HSPG2: variants seen among roughly 807,000 people sequenced by gnomAD.
HSPG2 encodes basement membrane-specific heparan sulfate proteoglycan core protein.
In HSPG2, 278 loss-of-function variants were observed where a neutral mutation model predicts 526.6. The observed-to-expected ratio is 0.53, with a 90% CI of 0.48 to 0.58. The LOEUF is 0.58. Among genes scored for constraint, HSPG2 ranks in the 20% least tolerant of loss-of-function variants. The pLI, the probability that HSPG2 is intolerant of heterozygous loss-of-function variation, is 0.00. For missense variants in HSPG2, 5,354 were observed against 6,099.5 expected (o/e 0.88, Z 4.07); for synonymous variants, 2,465 against 2,555.4 (o/e 0.96, Z 1.07).
At position 21,861,972 on chromosome 1, in the gene HSPG2, G is replaced by C. The variant is rs756500411; in HGVS notation, c.4868+16C>G. The C allele has an allele frequency of 6.2e-7, 1 of 1,614,226 alleles. No individual in the cohort carries two copies. The highest frequency in any genetic ancestry group is 1.1e-5 in the South Asian group (1 of 91,084). ...CAGTGGAAGTGTGTCCTTGGGCCTT[G>C]AGCTAGGGTACCCACATGTTCTCTG... On this transcript the variant is annotated intron_variant, in intron 38 of 96. Coordinates refer to ENST00000374695, the MANE Select transcript of HSPG2 (RefSeq NM_005529.7).
rs1639482986 is a variant in HSPG2 at position 21,858,063 on chromosome 1, CTCGCAG to C, written c.5294-684_5294-679del. Among the ~76,000 whole-genome samples the C allele has an allele frequency of 6.6e-6, 1 of 152,226 alleles. No homozygotes were observed. The highest frequency in any genetic ancestry group is 1.5e-5 in the Non-Finnish European group (1 of 68,040). On this transcript the variant is annotated intron_variant, in intron 42 of 96. Coordinates refer to ENST00000374695, the MANE Select transcript of HSPG2 (RefSeq NM_005529.7). The surrounding 1 kb of genome is among the most constrained non-coding windows in gnomAD (Gnocchi z 4.2). Reference sequence around the variant, plus strand: ...GAAAACTCCCCCTTGACCTCATGCTCTCGCAGTCAATGACCCACTTCCTGGCCTCCC... The same window carrying C: ...GAAAACTCCCCCTTGACCTCATGCTCTCAATGACCCACTTCCTGGCCTCCC...
intron 17 of HSPG2, among the ~76,000 whole-genome samples, 177 bp from the exon 18 acceptor site, chr1:21,879,298 G>A (rs1371723622): frequency 6.6e-6 from 1 of 152,004 alleles, no homozygotes; most frequent in Non-Finnish European, 1.5e-5. Context: ...CATCTTACAC[G>A]GCAGCCTGTC....
At position 21,873,545 on chromosome 1, in the gene HSPG2, C is replaced by T. The variant is rs1177038310; in HGVS notation, c.3744-121G>A. 11 of 1,019,796 alleles carry T rather than the reference C, an allele frequency of 1.1e-5. 1 individual carries two copies. In the Middle Eastern group the frequency reaches 6.2e-4, roughly 57 times the overall value. The allele number at this position is 1,019,796 out of a possible 1,614,324, so 63.2% of individuals were successfully genotyped here. A position where few individuals can be genotyped will look rare whatever the true frequency, so the allele number is the denominator to read the frequency against. The stretch of plus-strand genomic sequence containing the variant: ...GCACTGGAAGAAAAGAAGAGCCTGA[C>T]TCGCCCATGTTACGGGGAAACTGGG... On this transcript the variant is annotated intron_variant, in intron 29 of 96. Coordinates refer to ENST00000374695, the MANE Select transcript of HSPG2 (RefSeq NM_005529.7).
chr1:21,896,903 CCA>C (rs1313373237), intron 1 of HSPG2, among the ~76,000 whole-genome samples: 1 of 152,206 alleles, frequency 6.6e-6, no homozygotes, highest in African/African-American at 2.4e-5. Context: ...GCACATGCAG[CCA>C]CACTGACAGG....
At chr1:21,827,144 G>T (rs2097979497) in intron 91 of HSPG2, among the ~76,000 whole-genome samples, 1 of 152,026 alleles carries the variant, frequency 6.6e-6, no homozygotes, top group African/African-American at 2.4e-5. Context: ...GGAGGCGGGG[G>T]TTGCAGTGAG....
intron 71 of HSPG2, among the ~76,000 whole-genome samples, chr1:21,840,251 C>A (rs1427173525): frequency 6.6e-6 from 1 of 152,200 alleles, no homozygotes; most frequent in Non-Finnish European, 1.5e-5. Context: ...AATCCTCTCG[C>A]CTCAGCCTCC....
chr1:21,842,411 G>A (rs2098052677), intron 67 of HSPG2, 31 bp from the exon 68 acceptor site: 6 of 1,569,986 alleles, frequency 3.8e-6, no homozygotes, highest in Non-Finnish European at 5.2e-6. Flanking sequence ...CAGTTATCAG[G>A]GCAAAGTCCC....
intron 1 of HSPG2, among the ~76,000 whole-genome samples, chr1:21,927,483 G>A (rs933782896): frequency 6.6e-6 from 1 of 151,868 alleles, no homozygotes; most frequent in African/African-American, 2.4e-5. Context: ...GCCTCCTCCA[G>A]TGTAGGCCAG....
intron 55 of HSPG2, among the ~76,000 whole-genome samples, chr1:21,851,033 C>T (rs577764932): frequency 2.7e-5 from 4 of 149,818 alleles, no homozygotes; most frequent in East Asian, 3.9e-4. Context: ...AGTGCAATGG[C>T]GTGATCTTGG....
chr1:21,864,820 G>A lies in HSPG2; in HGVS notation c.4626+23C>T. On this transcript the variant is annotated intron_variant, in intron 36 of 96. Transcript: ENST00000374695. The surrounding 1 kb of genome is among the most constrained non-coding windows in gnomAD (Gnocchi z 4.8). ...GATGCCTCTGTGCCTGTGCAGAGGT[G>A]GTGGAGCTGGCCACACACTCACCTG... 6.3e-7 allele frequency: 1 copy of A among 1,583,210 alleles called. No homozygotes were observed. Among genetic ancestry groups the A allele is most frequent in the South Asian group, 1.1e-5 (1 of 88,316 alleles).
At position 21,884,894 on chromosome 1, in the gene HSPG2, G is replaced by C. The variant is rs142736604; in HGVS notation, c.1380C>G (p.Gly460=). The stretch of plus-strand genomic sequence containing the variant: ...CATCACGGATGATCAGTGTGCCACG[G>C]CCACCCTCGCTGGTCACTGTCACCC... The part of the protein sequence containing the change: ...HPRVTVTSEG[G]RGTLIIRDVK... Residue 460 remains glycine, a synonymous_variant, in exon 12 of 97, where the codon GGC becomes GGG. Coordinates refer to ENST00000374695, the MANE Select transcript of HSPG2 (RefSeq NM_005529.7). 4 of 1,613,992 alleles carry C rather than the reference G, an allele frequency of 2.5e-6. No homozygotes were observed. The highest frequency in any genetic ancestry group is 2.5e-6 in the Non-Finnish European group (3 of 1,180,018).
At chr1:21,886,471 C>G (rs1641904236) in intron 9 of HSPG2, among the ~76,000 whole-genome samples, 1 of 152,136 alleles carries the variant, frequency 6.6e-6, no homozygotes, top group Non-Finnish European at 1.5e-5. Flanking sequence ...AGACACACCA[C>G]CCAGGACCAC....
rs1001999618 is a variant in HSPG2 at position 21,916,216 on chromosome 1, A to C, written c.64-19906T>G. ...TCCATCTCTACTAAAAATACAAAAA[A>C]TTTGGTTGGGTGCGGTGGCTCACGC... is the stretch of plus-strand genomic sequence containing the variant. On this transcript the variant is annotated intron_variant, in intron 1 of 96. Coordinates refer to ENST00000374695, the MANE Select transcript of HSPG2 (RefSeq NM_005529.7). Among the ~76,000 whole-genome samples, 19 of 150,442 alleles carry C rather than the reference A, an allele frequency of 1.3e-4. 1 individual carries two copies. The highest frequency in any genetic ancestry group is 3.9e-4 in the African/African-American group (16 of 40,928).
At chr1:21,891,043 A>C (rs920184562) in intron 3 of HSPG2, among the ~76,000 whole-genome samples, 2 of 152,182 alleles carry the variant, frequency 1.3e-5, no homozygotes, top group African/African-American at 4.8e-5. Flanking sequence ...CCTGCGTGTG[A>C]CTGGGAAAGG....
At chr1:21,930,854 C>T (rs949970273) in intron 1 of HSPG2, among the ~76,000 whole-genome samples, 5 of 152,018 alleles carry the variant, frequency 3.3e-5, no homozygotes, top group East Asian at 1.9e-4. Flanking sequence ...TTTTAAAAAA[C>T]GCTTAATCAC....
At chr1:21,883,987 G>A (rs2152758567) in intron 13 of HSPG2, among the ~76,000 whole-genome samples, 1 of 152,368 alleles carries the variant, frequency 6.6e-6, no homozygotes, top group South Asian at 2.1e-4. Flanking sequence ...GCCACCCTCA[G>A]GCCAAGGAGA....
At chr1:21,843,869 C>T (rs1017588872) in intron 65 of HSPG2, among the ~76,000 whole-genome samples, 1 of 152,170 alleles carries the variant, frequency 6.6e-6, no homozygotes, top group Non-Finnish European at 1.5e-5. Flanking sequence ...CTCCTGACCT[C>T]AAGTGATCCA....
chr1:21,907,623 T>G (rs942188783), intron 1 of HSPG2, among the ~76,000 whole-genome samples: 2 of 152,120 alleles, frequency 1.3e-5, no homozygotes, highest in African/African-American at 4.8e-5. Context: ...GCTCAAGATA[T>G]CCTCCTGCCT....
Position 21,865,270 on chromosome 1 carries a change from C to T in HSPG2, c.4395+15G>A. 6.2e-7 allele frequency: 1 copy of T among 1,613,210 alleles called. No individual in the cohort carries two copies. Among genetic ancestry groups the T allele is most frequent in the Non-Finnish European group, 8.5e-7 (1 of 1,179,260 alleles). ...TGGGGTGGGGTTAGACACAGCATGG[C>T]CAGGTGCCCCTTACCTCTCGGAACA... On this transcript the variant is annotated intron_variant, in intron 35 of 96. Transcript: ENST00000374695. The surrounding 1 kb of genome is among the most constrained non-coding windows in gnomAD (Gnocchi z 5.4).
Sources: allele counts gnomAD v4.1 joint callset (sites outside exome capture counted in the v4.1 genomes callset), GRCh38; gene constraint gnomAD v4.1.1; non-coding constraint Gnocchi (gnomAD v3.1); transcripts MANE v1.5; gene names NCBI Gene and HGNC (gene_info 2026-07-23, HGNC 2026-07-21).